The following MYO7B variants were observed in gnomAD, a reference collection of about 807,000 sequenced individuals.
The protein encoded by MYO7B is myosin VIIB.
MYO7B carries 212 observed loss-of-function variants against 259.7 expected under a neutral mutation model. The ratio of observed to expected loss-of-function variants is 0.82; its 90% CI spans 0.73 to 0.91. The LOEUF (loss-of-function observed/expected upper bound fraction) is 0.91, where lower values mean the gene tolerates loss of function less well. MYO7B is among the 40% of genes least tolerant of loss of function. The pLI is 0.00. For synonymous variants in MYO7B, 1,197 were observed against 1,166.4 expected, an observed-to-expected ratio of 1.03 and a Z score of -0.54; for missense variants, 2,732 against 2,813.5, an observed-to-expected ratio of 0.97 and a Z score of 0.66.
rs1328306767 is a variant in MYO7B at position 127,576,506 on chromosome 2, G to A, written c.736-89G>A. The A allele has an allele frequency of 2.0e-5, 15 of 764,416 alleles. No individual in the cohort carries two copies. The East Asian group carries it at 4.1e-4, about 21-fold the overall frequency. 47.4% of individuals were successfully genotyped at this position (764,416 alleles called of 1,614,324 possible). A position where few individuals can be genotyped will look rare whatever the true frequency, so the allele number is the denominator to read the frequency against. On this transcript the variant is annotated intron_variant, in intron 7 of 47. Transcript: ENST00000409816. The surrounding 1 kb of genome is among the most constrained non-coding windows in gnomAD (Gnocchi z 4.9). ...GCTGAGAGATGTGGAGCGGAGGCCA[G>A]GGCTGGGCTGGGCAGAGGCAGTCTG...
In MYO7B at chr2:127,539,818, G is replaced by A. The variant is rs907858364; in HGVS notation, c.-24+3987G>A. Among the ~76,000 whole-genome samples the A allele has an allele frequency of 1.3e-5, 2 of 152,292 alleles. No homozygotes were observed. Among genetic ancestry groups the A allele is most frequent in the South Asian group, 4.1e-4 (2 of 4,828 alleles). ...CACTGCACCCAATGTGTAGTCTTTTGTTGCTCACCCAGCTCCAGCCTTCCC... is the reference window on the plus strand; with the variant it reads ...CACTGCACCCAATGTGTAGTCTTTTATTGCTCACCCAGCTCCAGCCTTCCC... On this transcript the variant is annotated intron_variant, in intron 1 of 47. Coordinates refer to ENST00000409816, the MANE Select transcript of MYO7B (RefSeq NM_001393586.1). The surrounding 1 kb of genome is among the most constrained non-coding windows in gnomAD (Gnocchi z 4.0).
intron 7 of MYO7B, among the ~76,000 whole-genome samples, chr2:127,575,257 G>T (rs1558809749): frequency 6.6e-6 from 1 of 152,020 alleles, no homozygotes; most frequent in Non-Finnish European, 1.5e-5. Flanking sequence ...AGTTAAGTTC[G>T]GCCCCTTGTC....
At chr2:127,574,413 G>A (rs553152879) in intron 7 of MYO7B, among the ~76,000 whole-genome samples, 3 of 152,284 alleles carry the variant, frequency 2.0e-5, no homozygotes, top group South Asian at 4.1e-4. Flanking sequence ...AGTGGCACAC[G>A]CCTGTAATCC....
intron 1 of MYO7B, among the ~76,000 whole-genome samples, chr2:127,552,455 G>A (rs1006211517): frequency 3.3e-5 from 5 of 152,152 alleles, no homozygotes; most frequent in Non-Finnish European, 5.9e-5. Flanking sequence ...GAGGAGGGGC[G>A]GTGGAGGCCA....
chr2:127,584,397 G>A lies in MYO7B; in HGVS notation c.1554+65G>A. On this transcript the variant is annotated intron_variant, in intron 13 of 47. Transcript: ENST00000409816. This position sits in a 1 kb window ranked among gnomAD's most constrained non-coding sequence, Gnocchi z 5.8. ...GCTATGGGTCTCCTCTTGGAGGCTG[G>A]GAAACTCCATTTGGGTGGGCCACTT... is the stretch of plus-strand genomic sequence containing the variant. 7.8e-6 allele frequency: 12 copies of A among 1,544,230 alleles called. No homozygotes were observed. The highest frequency in any genetic ancestry group is 1.7e-5 in the Admixed American group (1 of 57,832).
chr2:127,552,806 C>G (rs2116026), intron 1 of MYO7B, among the ~76,000 whole-genome samples: 1 of 152,092 alleles, frequency 6.6e-6, no homozygotes, highest in Admixed American at 6.5e-5. Flanking sequence ...CTGCCACCCC[C>G]TGAAAGAGCT....
At chr2:127,569,194 T>G (rs1573633233) in intron 5 of MYO7B, among the ~76,000 whole-genome samples, 1 of 115,570 alleles carries the variant, frequency 8.7e-6, no homozygotes, top group African/African-American at 3.8e-5. Context: ...GGTGACAGAG[T>G]GAGACTCCGT....
intron 14 of MYO7B, among the ~76,000 whole-genome samples, chr2:127,587,414 G>A (rs1415729155): frequency 6.6e-6 from 1 of 152,150 alleles, no homozygotes; most frequent in Non-Finnish European, 1.5e-5. Flanking sequence ...GAGTTCTAGA[G>A]GCTGGAAGTC....
chr2:127,559,485 C>T lies in MYO7B; in HGVS notation c.-23-215C>T, dbSNP rs1317532293. 6.6e-6 allele frequency among the ~76,000 whole-genome samples: 1 copy of T among 152,124 alleles called. No individual in the cohort carries two copies. Among genetic ancestry groups the T allele is most frequent in the Admixed American group, 6.5e-5 (1 of 15,274 alleles). ...CAGGACTGGGTATGAAATACGTCTTCAATAAAGGTGACATAGGATGAAGAA... is the reference window on the plus strand; with the variant it reads ...CAGGACTGGGTATGAAATACGTCTTTAATAAAGGTGACATAGGATGAAGAA... On this transcript the variant is annotated intron_variant, in intron 1 of 47. Coordinates refer to ENST00000409816, the MANE Select transcript of MYO7B (RefSeq NM_001393586.1). This position sits in a 1 kb window ranked among gnomAD's most constrained non-coding sequence, Gnocchi z 4.1.
Position 127,608,806 on chromosome 2 carries a change from G to A in MYO7B, c.2742G>A (p.Met914Ile), listed in dbSNP as rs375129613. ...ACGACACCGTCACTGACACGGAGATGGTGGAGAAGGTGTTCGGCTTCCTCC... is the reference window on the plus strand; with the variant it reads ...ACGACACCGTCACTGACACGGAGATAGTGGAGAAGGTGTTCGGCTTCCTCC... Reference protein sequence around the residue: ...SIYDTVTDTEMVEKVFGFLPA... With the variant: ...SIYDTVTDTEIVEKVFGFLPA... Residue 914 changes from methionine to isoleucine, a missense_variant, in exon 22 of 48, where the codon ATG becomes ATA. By Grantham distance (10) the Met-to-Ile change is conservative. Coordinates refer to ENST00000409816, the MANE Select transcript of MYO7B (RefSeq NM_001393586.1). The A allele has an allele frequency of 4.3e-5, 69 of 1,613,440 alleles. No homozygotes were observed. Among genetic ancestry groups the A allele is most frequent in the Non-Finnish European group, 5.5e-5 (65 of 1,179,878 alleles).
chr2:127,617,305 C>T (rs972061113), intron 26 of MYO7B, among the ~76,000 whole-genome samples: 9 of 152,280 alleles, frequency 5.9e-5, no homozygotes, highest in South Asian at 2.1e-4. Context: ...GCAAAAAATT[C>T]TCTCAAACCC....
chr2:127,606,730 T>C (rs552254818), intron 20 of MYO7B, among the ~76,000 whole-genome samples: 5 of 152,332 alleles, frequency 3.3e-5, no homozygotes, highest in African/African-American at 1.2e-4. Flanking sequence ...AGGGGATGTT[T>C]GCGGCACTGA....
At chr2:127,571,303 C>T (rs767454753) in intron 6 of MYO7B, among the ~76,000 whole-genome samples, 1 of 152,152 alleles carries the variant, frequency 6.6e-6, no homozygotes, top group Non-Finnish European at 1.5e-5. Flanking sequence ...TTGTAACTCC[C>T]GTGGCCCTGA....
intron 42 of MYO7B, 100 bp downstream of exon 42, chr2:127,634,783 G>A (rs1045840463): frequency 1.6e-4 from 180 of 1,139,820 alleles, no homozygotes; most frequent in Non-Finnish European, 2.2e-4. Context: ...CCATCCATTC[G>A]TTCCCGTGTG....
intron 2 of MYO7B, among the ~76,000 whole-genome samples, chr2:127,561,170 A>G: frequency 6.6e-6 from 1 of 152,200 alleles, no homozygotes; most frequent in East Asian, 1.9e-4. Context: ...ACTAACTGCA[A>G]GCAGAGTTTA....
Position 127,636,524 on chromosome 2 carries a change from C to A in MYO7B, c.6124-21C>A. The A allele has an allele frequency of 6.2e-7, 1 of 1,600,712 alleles. No homozygotes were observed. The highest frequency in any genetic ancestry group is 8.5e-7 in the Non-Finnish European group (1 of 1,173,638). ...CTGGCCTCCCGGGCTGGACTATGAC[C>A]GCCGTGTCCCTCCCTCCCAGCAAAC... On this transcript the variant is annotated intron_variant, in intron 45 of 47. Transcript: ENST00000409816. The surrounding 1 kb of genome is among the most constrained non-coding windows in gnomAD (Gnocchi z 4.5).
In MYO7B at chr2:127,611,375, G is replaced by A. The variant is rs1237483838; in HGVS notation, c.3193-875G>A. 2.6e-5 allele frequency among the ~76,000 whole-genome samples: 4 copies of A among 152,232 alleles called. No homozygotes were observed. The highest frequency in any genetic ancestry group is 2.6e-4 in the Admixed American group (4 of 15,288). Reference sequence around the variant, plus strand: ...GGCAGCCACTCAGGGAAAAGACTCTGGGAGGCAGTCCAGCCAACCAGCACC... The same window carrying A: ...GGCAGCCACTCAGGGAAAAGACTCTAGGAGGCAGTCCAGCCAACCAGCACC... On this transcript the variant is annotated intron_variant, in intron 24 of 47. Coordinates refer to ENST00000409816, the MANE Select transcript of MYO7B (RefSeq NM_001393586.1). This position sits in a 1 kb window ranked among gnomAD's most constrained non-coding sequence, Gnocchi z 5.4.
intron 1 of MYO7B, among the ~76,000 whole-genome samples, chr2:127,551,754 A>G (rs908156026): frequency 6.6e-6 from 1 of 152,208 alleles, no homozygotes; most frequent in Non-Finnish European, 1.5e-5. Flanking sequence ...CAGAGGAGAC[A>G]GGGAGGGGCA....
At chr2:127,573,412 ACCACTTCCGTGTGC>A (rs1050354515) in intron 6 of MYO7B, among the ~76,000 whole-genome samples, 1 of 152,230 alleles carries the variant, frequency 6.6e-6, no homozygotes, top group Admixed American at 6.5e-5. Flanking sequence ...AAAAAGACTG[ACCACTTCCGTGTGC>A]CCTGGCCTGG....
Sources: gnomAD v4.1 joint callset for allele counts (sites outside exome capture counted in the v4.1 genomes callset) on GRCh38, gnomAD v4.1.1 for gene constraint, Gnocchi (gnomAD v3.1) non-coding constraint, MANE v1.5 for transcripts, NCBI Gene and HGNC (gene_info 2026-07-23, HGNC 2026-07-21) for gene names.